Variants in RAB4A observed in about 807,000 individuals in gnomAD.
RAB4A encodes ras-related protein Rab-4A.
Under a neutral mutation model 34.5 loss-of-function variants are expected in RAB4A, and 20 were observed. That is an observed-to-expected ratio of 0.58 (90% CI 0.41 to 0.84). RAB4A has a LOEUF of 0.84. Among genes scored for constraint, RAB4A ranks in the 40% least tolerant of loss-of-function variants. The pLI is 0.00. For missense variants in RAB4A, 228 were observed against 274.5 expected (o/e 0.83, Z 1.20); for synonymous variants, 102 against 100.0 (o/e 1.02, Z -0.12).
intron 2 of RAB4A, among the ~76,000 whole-genome samples, chr1:229,288,277 C>A (rs1656976761): frequency 1.3e-5 from 2 of 152,106 alleles, no homozygotes; most frequent in Admixed American, 1.3e-4. Context: ...TCCTTCCACT[C>A]ACTGTTATTT....
At chr1:229,292,346 A>C (rs1657112149) in intron 3 of RAB4A, among the ~76,000 whole-genome samples, 1 of 152,234 alleles carries the variant, frequency 6.6e-6, no homozygotes, top group Non-Finnish European at 1.5e-5. Context: ...GTTGTAAAAT[A>C]AATTTGAAAG....
chr1:229,291,493 C>T (rs546758483), intron 3 of RAB4A, among the ~76,000 whole-genome samples: 61 of 152,134 alleles, frequency 4.0e-4, no homozygotes, highest in African/African-American at 1.5e-3. Context: ...TAAGAGCTCA[C>T]GACTCTGTCA....
Position 229,305,811 on chromosome 1 carries a change from A to T in RAB4A, c.*2018A>T, listed in dbSNP as rs987289907. On this transcript the variant is annotated 3_prime_UTR_variant, in exon 8 of 8. Transcript: ENST00000366690. ...GAAAACATTACTTGTGGCTTGTATAAGAGTGGCTGAATTCAAGAACATTGA... is the reference window on the plus strand; with the variant it reads ...GAAAACATTACTTGTGGCTTGTATATGAGTGGCTGAATTCAAGAACATTGA... 1 of 152,268 alleles carries T rather than the reference A, an allele frequency of 6.6e-6. No individual in the cohort carries two copies. Among genetic ancestry groups the T allele is most frequent in the African/African-American group, 2.4e-5 (1 of 41,470 alleles). The allele number at this position is 152,268 out of a possible 1,614,324, so 9.4% of individuals were successfully genotyped here.
At chr1:229,292,831 A>G (rs899693083) in intron 3 of RAB4A, among the ~76,000 whole-genome samples, 1 of 151,842 alleles carries the variant, frequency 6.6e-6, no homozygotes, top group Non-Finnish European at 1.5e-5. Context: ...CACACCAGCC[A>G]GTCGGATTCT....
chr1:229,283,501 G>A (rs993960937), intron 1 of RAB4A, among the ~76,000 whole-genome samples: 2 of 152,164 alleles, frequency 1.3e-5, no homozygotes, highest in Admixed American at 1.3e-4. Context: ...TTGCTTGGCT[G>A]CCCCTTTTTT....
chr1:229,288,776 A>G lies in RAB4A; in HGVS notation c.160A>G (p.Ile54Val), dbSNP rs1397032625. ...AATAGGAGTGGAATTTGGTTCAAAG[A>G]TAATAAATGTTGGTGGTAAATATGT... ...HTIGVEFGSK[I>V]INVGGKYVKL... The change falls in exon 3 of 8, where the codon ATA becomes GTA. Residue 54 changes from isoleucine (I) to valine (V), a missense_variant. Ile to Val is a conservative substitution (Grantham distance 29). Coordinates refer to ENST00000366690, the MANE Select transcript of RAB4A (RefSeq NM_004578.4). The G allele has an allele frequency of 1.3e-6, 2 of 1,598,096 alleles. No individual in the cohort carries two copies. Among genetic ancestry groups the G allele is most frequent in the Non-Finnish European group, 1.7e-6 (2 of 1,166,620 alleles).
chr1:229,299,242 G>A (rs1657320174), intron 6 of RAB4A, among the ~76,000 whole-genome samples, 170 bp downstream of exon 6: 1 of 152,208 alleles, frequency 6.6e-6, no homozygotes. Flanking sequence ...TTATCAGGAT[G>A]AAAGCCCCAT....
intron 7 of RAB4A, 57 bp downstream of exon 7, chr1:229,303,046 G>C: frequency 7.9e-7 from 1 of 1,262,278 alleles, no homozygotes; most frequent in Non-Finnish European, 1.1e-6. Context: ...GCAGAGGCCT[G>C]TTAAAGCTTT....
chr1:229,280,069 A>T (rs1260249446), intron 1 of RAB4A, among the ~76,000 whole-genome samples: 1 of 152,202 alleles, frequency 6.6e-6, no homozygotes, highest in Admixed American at 6.5e-5. Flanking sequence ...AACATATAAA[A>T]CATACACATG....
At chr1:229,293,428 A>T (rs1289628462) in intron 3 of RAB4A, among the ~76,000 whole-genome samples, 9 of 151,898 alleles carry the variant, frequency 5.9e-5, no homozygotes. Flanking sequence ...CTAGCCTGCT[A>T]CTCTTCCCAC....
intron 6 of RAB4A, among the ~76,000 whole-genome samples, 199 bp from the exon 7 acceptor site, chr1:229,302,663 G>A (rs549536819): frequency 1.8e-4 from 28 of 151,428 alleles, no homozygotes; most frequent in African/African-American, 6.1e-4. Flanking sequence ...GAACTCCTCC[G>A]AATCAGCCGT....
chr1:229,288,705 G>A, intron 2 of RAB4A, 24 bp from the exon 3 acceptor site: 1 of 1,190,738 alleles, frequency 8.4e-7, no homozygotes, highest in Non-Finnish European at 1.2e-6. Flanking sequence ...AATTAAATAT[G>A]CTGTTCTTGT....
In RAB4A at chr1:229,271,291, GC is replaced by G; in HGVS notation, c.-48del. 1 of 1,326,862 alleles carries G rather than the reference GC, an allele frequency of 7.5e-7. No homozygotes were observed. Among genetic ancestry groups the G allele is most frequent in the Non-Finnish European group, 9.6e-7 (1 of 1,037,016 alleles). The allele number at this position is 1,326,862 out of a possible 1,614,324, so 82.2% of individuals were successfully genotyped here. A position where few individuals can be genotyped will look rare whatever the true frequency, so the allele number is the denominator to read the frequency against. ...CCCCACCGAGACGCGCCGGCGGACC[GC>G]GGGCGAGTGCAGCCGGTGACCCGGC... On this transcript the variant is annotated 5_prime_UTR_variant, in exon 1 of 8. Transcript: ENST00000366690.
chr1:229,281,271 T>C (rs1433672156), intron 1 of RAB4A, among the ~76,000 whole-genome samples: 2 of 152,144 alleles, frequency 1.3e-5, no homozygotes, highest in African/African-American at 4.8e-5. Flanking sequence ...CTGTTTGGCC[T>C]TTTAATTCTG....
Position 229,288,761 on chromosome 1 carries a change from G to A in RAB4A, c.145G>A (p.Glu49Lys). The A allele has an allele frequency of 6.3e-7, 1 of 1,586,604 alleles. No homozygotes were observed. Among genetic ancestry groups the A allele is most frequent in the Non-Finnish European group, 8.6e-7 (1 of 1,156,724 alleles). Residue 49 changes from glutamate to lysine, a missense_variant, in exon 3 of 8, where the codon GAA becomes AAA. By Grantham distance (56) the Glu-to-Lys change is moderately conservative. Transcript: ENST00000366690. Reference sequence around the variant, plus strand: ...TGACTCAAATCATACAATAGGAGTGGAATTTGGTTCAAAGATAATAAATGT... The same window carrying A: ...TGACTCAAATCATACAATAGGAGTGAAATTTGGTTCAAAGATAATAAATGT... ...KDDSNHTIGV[E>K]FGSKIINVGG...
chr1:229,283,523 T>C (rs1017455641), intron 1 of RAB4A, among the ~76,000 whole-genome samples: 1 of 152,158 alleles, frequency 6.6e-6, no homozygotes, highest in Non-Finnish European at 1.5e-5. Flanking sequence ...GTCCCATGGC[T>C]ACAGAGAGCA....
chr1:229,274,330 G>A (rs752206882), intron 1 of RAB4A, among the ~76,000 whole-genome samples: 4 of 151,566 alleles, frequency 2.6e-5, no homozygotes, highest in Non-Finnish European at 4.4e-5. Context: ...CTCCCAAAAT[G>A]TTGAGATCAC....
intron 2 of RAB4A, among the ~76,000 whole-genome samples, chr1:229,288,067 C>T (rs1656972242): frequency 6.6e-6 from 1 of 152,196 alleles, no homozygotes; most frequent in South Asian, 2.1e-4. Flanking sequence ...CCATAGAACA[C>T]TACGATTAAT....
intron 1 of RAB4A, among the ~76,000 whole-genome samples, chr1:229,280,321 A>G (rs10799523): frequency 0.39 from 59,595 of 152,056 alleles, 11,968 homozygotes; most frequent in Admixed American, 0.45. Context: ...GAAACTCCTC[A>G]TGAAGTTGGA....
Sources: gnomAD v4.1 joint callset for allele counts (sites outside exome capture counted in the v4.1 genomes callset) on GRCh38, gnomAD v4.1.1 for gene constraint, MANE v1.5 for transcripts, NCBI Gene and HGNC (gene_info 2026-07-23, HGNC 2026-07-21) for gene names.